RAD51B: variants seen among roughly 807,000 people sequenced by gnomAD.
The protein encoded by RAD51B is DNA repair protein RAD51 homolog 2.
Under a neutral mutation model 42.2 loss-of-function variants are expected in RAD51B, and 38 were observed. The observed-to-expected ratio is 0.90, with a 90% confidence interval of 0.70 to 1.18. RAD51B has a LOEUF of 1.18. Ranked by LOEUF, RAD51B falls within the 50% of genes most tolerant of loss-of-function variation. The probability of loss-of-function intolerance (pLI) is 0.00; values close to 1 mark genes in which losing one functional copy is unlikely to be tolerated. For missense variants in RAD51B, 373 were observed against 400.7 expected (o/e 0.93, Z 0.59); for synonymous variants, 154 against 145.2 (o/e 1.06, Z -0.43).
intron 10 of RAD51B, among the ~76,000 whole-genome samples, chr14:68,525,145 G>A (rs939253031): frequency 2.0e-5 from 3 of 152,218 alleles, no homozygotes; most frequent in South Asian, 2.1e-4. Flanking sequence ...TCAGTAAAGC[G>A]ATGTAAGAAA....
intron 5 of RAD51B, among the ~76,000 whole-genome samples, chr14:67,880,239 CA>C (rs1566938826): frequency 6.6e-6 from 1 of 152,190 alleles, no homozygotes; most frequent in African/African-American, 2.4e-5. Flanking sequence ...TTATCATTGG[CA>C]ATAAATATTG....
At chr14:68,182,412 A>G (rs1356768573) in intron 7 of RAD51B, among the ~76,000 whole-genome samples, 1 of 152,292 alleles carries the variant, frequency 6.6e-6, no homozygotes, top group Non-Finnish European at 1.5e-5. Flanking sequence ...TTGCTTGAAC[A>G]GAGAATATGT....
At chr14:68,495,479 A>C (rs557610906) in intron 10 of RAD51B, among the ~76,000 whole-genome samples, 1 of 152,310 alleles carries the variant, frequency 6.6e-6, no homozygotes, top group African/African-American at 2.4e-5. Context: ...CCAGGAAGGC[A>C]GGGGGCTGGG....
chr14:67,981,335 G>A (rs564452982), intron 7 of RAD51B, among the ~76,000 whole-genome samples: 1 of 152,352 alleles, frequency 6.6e-6, no homozygotes, highest in South Asian at 2.1e-4. Context: ...AATATGTGGA[G>A]GAGCTAAGTC....
At chr14:68,553,937 A>G (rs950890372) in intron 10 of RAD51B, among the ~76,000 whole-genome samples, 1 of 152,238 alleles carries the variant, frequency 6.6e-6, no homozygotes, top group African/African-American at 2.4e-5. Context: ...CAGACCCAAC[A>G]TGAGCTGGAC....
chr14:68,368,572 A>C (rs1328636852), intron 8 of RAD51B, among the ~76,000 whole-genome samples: 1 of 152,224 alleles, frequency 6.6e-6, no homozygotes, highest in South Asian at 2.1e-4. Flanking sequence ...CAGAAGGTCT[A>C]TAGTGGCCGC....
chr14:67,899,334 C>T (rs2043534811), intron 7 of RAD51B, among the ~76,000 whole-genome samples: 1 of 152,104 alleles, frequency 6.6e-6, no homozygotes, highest in South Asian at 2.1e-4. Context: ...CAGGTGTGAG[C>T]CACCACACCC....
At chr14:68,678,477 C>A (rs566135560) in intron 11 of RAD51B, among the ~76,000 whole-genome samples, 1 of 152,216 alleles carries the variant, frequency 6.6e-6, no homozygotes, top group Non-Finnish European at 1.5e-5. Context: ...TAAATAAAAA[C>A]CCCTGCCCTC....
intron 11 of RAD51B, among the ~76,000 whole-genome samples, chr14:68,654,781 G>T (rs1892775341): frequency 6.6e-6 from 1 of 152,088 alleles, no homozygotes; most frequent in South Asian, 2.1e-4. Context: ...TTTTTTCAGG[G>T]TGTCTGGTTC....
At chr14:68,491,708 C>G (rs1884088438) in intron 10 of RAD51B, among the ~76,000 whole-genome samples, 1 of 152,172 alleles carries the variant, frequency 6.6e-6, no homozygotes, top group Middle Eastern at 3.2e-3. Flanking sequence ...TCCCAATTCC[C>G]CAGTTTGTAA....
chr14:67,828,625 T>G (rs984953622), intron 3 of RAD51B, among the ~76,000 whole-genome samples: 1 of 152,222 alleles, frequency 6.6e-6, no homozygotes, highest in Non-Finnish European at 1.5e-5. Flanking sequence ...GTTTTGGATT[T>G]TACATTCAAG....
intron 7 of RAD51B, among the ~76,000 whole-genome samples, chr14:68,032,155 G>A (rs932504563): frequency 9.2e-5 from 14 of 152,136 alleles, no homozygotes; most frequent in African/African-American, 2.4e-4. Flanking sequence ...TGGAGTTGTC[G>A]TGAAGATCAA....
At chr14:68,363,543 CAGGGGCCTCCTCATT>C (rs2083074805) in intron 8 of RAD51B, among the ~76,000 whole-genome samples, 5 of 152,038 alleles carry the variant, frequency 3.3e-5, no homozygotes, top group Non-Finnish European at 5.9e-5. Context: ...TTGGAGTGTG[CAGGGGCCTCCTCATT>C]GGAGTGTGCA....
At chr14:67,950,828 G>A (rs529123217) in intron 7 of RAD51B, among the ~76,000 whole-genome samples, 3 of 151,752 alleles carry the variant, frequency 2.0e-5, no homozygotes, top group South Asian at 2.1e-4. Flanking sequence ...TTTGTCTAAC[G>A]TGATTCAGAG....
intron 11 of RAD51B, among the ~76,000 whole-genome samples, chr14:68,651,945 C>T (rs1036131442): frequency 3.3e-5 from 5 of 152,174 alleles, no homozygotes; most frequent in African/African-American, 7.2e-5. Flanking sequence ...GCACGCCCAG[C>T]GCCCCACATT....
At chr14:68,659,623 G>T (rs557363201) in intron 11 of RAD51B, among the ~76,000 whole-genome samples, 65 of 152,242 alleles carry the variant, frequency 4.3e-4, no homozygotes, top group African/African-American at 1.5e-3. Context: ...GCAAGCCAAG[G>T]GTCGCTTCCC....
intron 11 of RAD51B, among the ~76,000 whole-genome samples, chr14:68,661,169 C>T (rs372545787): frequency 7.2e-5 from 11 of 152,130 alleles, no homozygotes; most frequent in African/African-American, 1.7e-4. Flanking sequence ...TCTGAGTATC[C>T]GTGGTTTCCC....
rs186848499 is a variant in RAD51B at position 67,873,275 on chromosome 14, G to A, written c.452+8136G>A. On this transcript the variant is annotated intron_variant, in intron 5 of 10. Coordinates refer to ENST00000471583, the MANE Select transcript of RAD51B (RefSeq NM_133510.4). ...CAAACAACCCCATCAAAAAGTGGGC[G>A]AAGGACATGAACAGACACTTCTCAA... Among the ~76,000 whole-genome samples, 1,271 of 152,120 alleles carry A rather than the reference G, an allele frequency of 8.4e-3. 16 individuals are homozygous for A. The highest frequency in any genetic ancestry group is 0.029 in the African/African-American group (1,188 of 41,490).
chr14:68,672,065 C>T (rs1374596887), intron 11 of RAD51B, among the ~76,000 whole-genome samples: 1 of 152,120 alleles, frequency 6.6e-6, no homozygotes, highest in Non-Finnish European at 1.5e-5. Context: ...CTTTACAACT[C>T]CAGGTGATGA....
Sources: gnomAD v4.1 joint callset for allele counts (sites outside exome capture counted in the v4.1 genomes callset) on GRCh38, gnomAD v4.1.1 for gene constraint, MANE v1.5 for transcripts, NCBI Gene and HGNC (gene_info 2026-07-23, HGNC 2026-07-21) for gene names.